PARVG: variants seen among roughly 807,000 people sequenced by gnomAD.
PARVG encodes the protein gamma-parvin.
In PARVG, 36 loss-of-function variants were observed where a neutral mutation model predicts 44.4. The observed-to-expected ratio is 0.81, with a 90% CI of 0.62 to 1.07. PARVG has a LOEUF of 1.07. Among genes scored for constraint, PARVG ranks in the 50% least tolerant of loss-of-function variants. The pLI is 0.00. For synonymous variants in PARVG, 170 were observed against 174.1 expected (o/e 0.98, Z 0.19); for missense variants, 407 against 407.4 (o/e 1.00, Z 0.01).
Position 44,183,292 on chromosome 22 carries a change from C to T in PARVG, c.-12-26C>T, listed in dbSNP as rs180730586. On this transcript the variant is annotated intron_variant, in intron 2 of 13. Coordinates refer to ENST00000444313, the MANE Select transcript of PARVG (RefSeq NM_022141.7). Reference sequence around the variant, plus strand: ...GAGTTTGGGGCTTCTCAGACCGTGACGCCCTCTCCTGCCTCCTCTGTGCAG... The same window carrying T: ...GAGTTTGGGGCTTCTCAGACCGTGATGCCCTCTCCTGCCTCCTCTGTGCAG... 1,615 of 1,577,518 alleles carry T rather than the reference C, an allele frequency of 1.0e-3. 2 individuals carry two copies. The highest frequency in any genetic ancestry group is 1.1e-3 in the Non-Finnish European group (1,260 of 1,163,412).
intron 2 of PARVG, 121 bp from the exon 3 acceptor site, chr22:44,183,197 A>G: frequency 1.2e-6 from 1 of 846,632 alleles, no homozygotes; most frequent in Admixed American, 3.1e-5. Context: ...TGGCATGCTG[A>G]CGTGTCCCCA....
chr22:44,204,407 C>T (rs1331677111), intron 12 of PARVG, among the ~76,000 whole-genome samples: 6 of 152,240 alleles, frequency 3.9e-5, no homozygotes, highest in African/African-American at 9.6e-5. Flanking sequence ...GTATCATCCC[C>T]GTGACACAGA....
intron 5 of PARVG, 133 bp downstream of exon 5, chr22:44,188,011 C>T: frequency 1.1e-6 from 1 of 902,096 alleles, no homozygotes; most frequent in East Asian, 2.6e-5. Flanking sequence ...GTCTCACTTT[C>T]TAGATGGGCC....
intron 4 of PARVG, 79 bp from the exon 5 acceptor site, chr22:44,187,697 A>AG: frequency 7.5e-7 from 1 of 1,337,310 alleles, no homozygotes; most frequent in Non-Finnish European, 1.1e-6. Flanking sequence ...GGCAGGCGAG[A>AG]GGCAGGCATT....
Position 44,205,739 on chromosome 22 carries a change from A to G in PARVG, c.814-18A>G. 2 of 1,613,338 alleles carry G rather than the reference A, an allele frequency of 1.2e-6. No individual in the cohort carries two copies. Among genetic ancestry groups the G allele is most frequent in the Non-Finnish European group, 1.7e-6 (2 of 1,179,852 alleles). On this transcript the variant is annotated intron_variant, in intron 12 of 13. Transcript: ENST00000444313. Reference sequence around the variant, plus strand: ...GCTGCTGCTTGTGCCCACATCTGATAGGGCCTTGTCATCATAGCTGCACAA... The same window carrying G: ...GCTGCTGCTTGTGCCCACATCTGATGGGGCCTTGTCATCATAGCTGCACAA...
At chr22:44,202,699 C>G (rs536026100) in intron 12 of PARVG, among the ~76,000 whole-genome samples, 2 of 152,356 alleles carry the variant, frequency 1.3e-5, no homozygotes, top group African/African-American at 4.8e-5. Context: ...GGCGGGAACA[C>G]CAGCCCTTGC....
chr22:44,197,249 G>A (rs2054631052), intron 11 of PARVG, among the ~76,000 whole-genome samples: 1 of 152,130 alleles, frequency 6.6e-6, no homozygotes, highest in African/African-American at 2.4e-5. Context: ...AGGGGTTAAT[G>A]TACTCCCATG....
At chr22:44,187,309 C>T (rs2054486940) in intron 4 of PARVG, 2 of 190,306 alleles carry the variant, frequency 1.1e-5, no homozygotes, top group South Asian at 2.1e-4. Flanking sequence ...TCACTGCAGT[C>T]CCCACCTCCA....
chr22:44,195,150 G>A (rs1055187597), intron 9 of PARVG, among the ~76,000 whole-genome samples: 1 of 152,172 alleles, frequency 6.6e-6, no homozygotes, highest in African/African-American at 2.4e-5. Flanking sequence ...GGCAAGGAGG[G>A]CTGGCTGAGG....
chr22:44,193,844 TG>T (rs1207386279), intron 9 of PARVG, 21 bp downstream of exon 9: 3 of 1,614,112 alleles, frequency 1.9e-6, no homozygotes, highest in Non-Finnish European at 1.7e-6. Context: ...TCATCATTTT[TG>T]GAAATCTGTT....
chr22:44,180,031 G>A (rs1477855552), upstream of PARVG, among the ~76,000 whole-genome samples: 2 of 152,162 alleles, frequency 1.3e-5, no homozygotes, highest in Non-Finnish European at 1.5e-5. Flanking sequence ...GCCGCAGCAG[G>A]GGACTTCTTT....
Position 44,206,466 on chromosome 22 carries a change from C to T in PARVG, c.*40C>T, listed in dbSNP as rs1208974626. 3 of 1,585,748 alleles carry T rather than the reference C, an allele frequency of 1.9e-6. No homozygotes were observed. Among genetic ancestry groups the T allele is most frequent in the Admixed American group, 3.3e-5 (2 of 59,846 alleles). ...AAAGCCCAGAGCCTGCCTGTCAGCCCAGCTGGAGGGCCCGAGGCTGCAGGG... is the reference window on the plus strand; with the variant it reads ...AAAGCCCAGAGCCTGCCTGTCAGCCTAGCTGGAGGGCCCGAGGCTGCAGGG... On this transcript the variant is annotated 3_prime_UTR_variant, in exon 14 of 14. Coordinates refer to ENST00000444313, the MANE Select transcript of PARVG (RefSeq NM_022141.7).
rs571353501 is a variant in PARVG at position 44,190,484 on chromosome 22, A to T, written c.389-67A>T. Reference sequence around the variant, plus strand: ...GCAGATGGTTGTTCTGACAGTGAGGAAGCCTCCATTTGGCTGCACGTTTTG... The same window carrying T: ...GCAGATGGTTGTTCTGACAGTGAGGTAGCCTCCATTTGGCTGCACGTTTTG... On this transcript the variant is annotated intron_variant, in intron 6 of 13. Transcript: ENST00000444313. The T allele has an allele frequency of 1.4e-4, 167 of 1,180,534 alleles. No individual in the cohort carries two copies. The South Asian group carries it at 2.0e-3, about 14-fold the overall frequency. 73.1% of individuals were successfully genotyped at this position (1,180,534 alleles called of 1,614,324 possible). A position where few individuals can be genotyped will look rare whatever the true frequency, so the allele number is the denominator to read the frequency against.
At chr22:44,190,736 C>A in intron 7 of PARVG, 70 bp downstream of exon 7, 1 of 1,324,614 alleles carries the variant, frequency 7.5e-7, no homozygotes, top group Non-Finnish European at 1.1e-6. Context: ...CCGTACCCTG[C>A]ATGGGTGGAG....
intron 12 of PARVG, among the ~76,000 whole-genome samples, chr22:44,201,164 A>G (rs1275788994): frequency 6.6e-6 from 1 of 151,800 alleles, no homozygotes; most frequent in Non-Finnish European, 1.5e-5. Flanking sequence ...AGCTCTGCCC[A>G]CCTTCTCAGC....
In PARVG at chr22:44,186,234, C is replaced by T. The variant is rs950315604; in HGVS notation, c.144+362C>T. 21 of 306,318 alleles carry T rather than the reference C, an allele frequency of 6.9e-5. No homozygotes were observed. In the East Asian group the frequency reaches 7.0e-4, roughly 10 times the overall value. The allele number at this position is 306,318 out of a possible 1,614,324, so 19.0% of individuals were successfully genotyped here. A position where few individuals can be genotyped will look rare whatever the true frequency, so the allele number is the denominator to read the frequency against. On this transcript the variant is annotated intron_variant, in intron 4 of 13. Coordinates refer to ENST00000444313, the MANE Select transcript of PARVG (RefSeq NM_022141.7). The stretch of plus-strand genomic sequence containing the variant: ...CCCGTAACGGAGCTGTGGTTTGACA[C>T]GAGCTGCCAGCCCCTAAGCCCGTGC...
At chr22:44,193,493 G>T (rs114428461) in intron 8 of PARVG, among the ~76,000 whole-genome samples, 1 of 152,156 alleles carries the variant, frequency 6.6e-6, no homozygotes, top group Non-Finnish European at 1.5e-5. Context: ...GTGAGCTTAC[G>T]ATTTGTGCAC....
chr22:44,183,894 G>A, intron 3 of PARVG: 1 of 347,324 alleles, frequency 2.9e-6, no homozygotes. Context: ...GCCCACCATG[G>A]AGTGATACTT....
intron 3 of PARVG, chr22:44,183,875 C>T (rs60553666): frequency 4.6e-5 from 17 of 367,882 alleles, no homozygotes; most frequent in South Asian, 1.4e-4. Context: ...ACACGGACCA[C>T]GCAGCGATGC....
Sources: gnomAD v4.1 joint callset for allele counts (sites outside exome capture counted in the v4.1 genomes callset) on GRCh38, gnomAD v4.1.1 for gene constraint, MANE v1.5 for transcripts, NCBI Gene and HGNC (gene_info 2026-07-23, HGNC 2026-07-21) for gene names.